Variants in SNX29 observed in about 807,000 individuals in gnomAD.
The protein encoded by SNX29 is sorting nexin 29.
In SNX29, 78 loss-of-function variants were observed where a neutral mutation model predicts 102.1. The ratio of observed to expected loss-of-function variants is 0.76; its 90% confidence interval spans 0.64 to 0.92. The LOEUF is 0.92. Among genes scored for constraint, SNX29 ranks in the 40% least tolerant of loss-of-function variants. The pLI is 0.00. For missense variants in SNX29, 1,280 were observed against 1,061.7 expected, an observed-to-expected ratio of 1.21 and a Z score of -2.86; for synonymous variants, 580 against 414.5, an observed-to-expected ratio of 1.40 and a Z score of -4.85.
intron 19 of SNX29, among the ~76,000 whole-genome samples, chr16:12,485,129 G>A (rs566458003): frequency 6.6e-6 from 1 of 152,360 alleles, no homozygotes; most frequent in African/African-American, 2.4e-5. Context: ...AGGTGACTCG[G>A]GAGGTTGTTC....
intron 3 of SNX29, among the ~76,000 whole-genome samples, chr16:12,013,500 A>AAAAAAATATAT: frequency 5.1e-4 from 16 of 31,624 alleles, no homozygotes; most frequent in Non-Finnish European, 8.0e-4. Context: ...AAAAAAAAAA[A>AAAAAAATATAT]ATATATATAT....
intron 20 of SNX29, among the ~76,000 whole-genome samples, chr16:12,548,161 C>G (rs537850110): frequency 6.6e-6 from 1 of 152,194 alleles, no homozygotes; most frequent in African/African-American, 2.4e-5. Context: ...TTCATCTTGG[C>G]CACACACATT....
At chr16:11,981,199 G>A (rs2055405708) in intron 1 of SNX29, among the ~76,000 whole-genome samples, 1 of 152,010 alleles carries the variant, frequency 6.6e-6, no homozygotes, top group African/African-American at 2.4e-5. Flanking sequence ...CGAACTCCTG[G>A]CCTCAAGTGG....
intron 15 of SNX29, among the ~76,000 whole-genome samples, chr16:12,300,413 A>T (rs2080130556): frequency 6.6e-6 from 1 of 151,990 alleles, no homozygotes; most frequent in Admixed American, 6.6e-5. Context: ...GGTTTCTCCA[A>T]GCTGTATATT....
At chr16:12,180,460 A>C (rs1160737750) in intron 13 of SNX29, among the ~76,000 whole-genome samples, 1 of 151,056 alleles carries the variant, frequency 6.6e-6, no homozygotes, top group African/African-American at 2.4e-5. Flanking sequence ...GTATGGTTTT[A>C]TTGGATACTT....
intron 20 of SNX29, among the ~76,000 whole-genome samples, chr16:12,556,922 G>T (rs563306633): frequency 8.0e-6 from 1 of 125,146 alleles, no homozygotes; most frequent in Non-Finnish European, 1.7e-5. Flanking sequence ...GCATGATCTC[G>T]GCTCACTACA....
At chr16:12,018,982 C>A (rs934269099) in intron 3 of SNX29, among the ~76,000 whole-genome samples, 5 of 151,294 alleles carry the variant, frequency 3.3e-5, no homozygotes, top group African/African-American at 7.3e-5. Flanking sequence ...TTTAATATTA[C>A]AATCTAACCT....
intron 19 of SNX29, among the ~76,000 whole-genome samples, chr16:12,509,172 A>G (rs756239489): frequency 2.0e-5 from 3 of 152,194 alleles, no homozygotes; most frequent in African/African-American, 7.2e-5. Flanking sequence ...CACTGCTGCC[A>G]TTAAAGCCTC....
At chr16:12,024,221 C>T (rs545623194) in intron 3 of SNX29, among the ~76,000 whole-genome samples, 1 of 152,036 alleles carries the variant, frequency 6.6e-6, no homozygotes, top group Non-Finnish European at 1.5e-5. Context: ...TCACGGCAAC[C>T]TCCGCCTCCC....
chr16:12,387,881 G>C lies in SNX29; in HGVS notation c.1900-10565G>C, dbSNP rs151155004. ...GATGTGGCATTCTTTCTTGTGACTG[G>C]TGGAAATTAAACTCTAAGGAAGAAC... On this transcript the variant is annotated intron_variant, in intron 16 of 20. Coordinates refer to ENST00000566228, the MANE Select transcript of SNX29 (RefSeq NM_032167.5). Among the ~76,000 whole-genome samples the C allele has an allele frequency of 3.3e-5, 5 of 152,264 alleles. No individual in the cohort carries two copies. In the East Asian group the frequency reaches 9.6e-4, roughly 29 times the overall value.
chr16:12,253,526 T>C (rs1475215634), intron 14 of SNX29, among the ~76,000 whole-genome samples: 1 of 152,086 alleles, frequency 6.6e-6, no homozygotes, highest in African/African-American at 2.4e-5. Context: ...CGGGATGAAC[T>C]TTGTTGAGAA....
chr16:12,571,773 CCTT>C lies in SNX29; in HGVS notation c.*3147_*3149del, dbSNP rs1567230396. Reference sequence around the variant, plus strand: ...CATCCACTCCTGATCTGAGACAGAACCTTCTCCGCCACTCTTCCTGCAATCAGT... The same window carrying C: ...CATCCACTCCTGATCTGAGACAGAACCTCCGCCACTCTTCCTGCAATCAGT... On this transcript the variant is annotated 3_prime_UTR_variant, in exon 21 of 21. Transcript: ENST00000566228. The C allele has an allele frequency of 5.0e-6, 5 of 1,006,690 alleles. No homozygotes were observed. Among genetic ancestry groups the C allele is most frequent in the African/African-American group, 1.7e-5 (1 of 59,596 alleles). The allele number at this position is 1,006,690 out of a possible 1,614,324, so 62.4% of individuals were successfully genotyped here.
At chr16:12,463,050 G>A (rs948606965) in intron 18 of SNX29, among the ~76,000 whole-genome samples, 3 of 152,180 alleles carry the variant, frequency 2.0e-5, no homozygotes, top group African/African-American at 4.8e-5. Flanking sequence ...TCAGGGACTC[G>A]CCCCTTGTGA....
rs112786222 is a variant in SNX29 at position 12,282,235 on chromosome 16, G to A, written c.1782+4199G>A. 4.9e-3 allele frequency among the ~76,000 whole-genome samples: 742 copies of A among 152,246 alleles called. 4 individuals are homozygous for A. The highest frequency in any genetic ancestry group is 0.017 in the African/African-American group (720 of 41,546). On this transcript the variant is annotated intron_variant, in intron 15 of 20. Transcript: ENST00000566228. The stretch of plus-strand genomic sequence containing the variant: ...CTTGACGGAAGAGACGATCACTACC[G>A]ATGTTCAAGAGAATGAATGGCAGGA...
chr16:12,531,710 G>A (rs895280211), intron 20 of SNX29, among the ~76,000 whole-genome samples: 1 of 152,192 alleles, frequency 6.6e-6, no homozygotes, highest in Non-Finnish European at 1.5e-5. Flanking sequence ...GACAAGGAGG[G>A]GAAGCCCGCT....
intron 13 of SNX29, among the ~76,000 whole-genome samples, chr16:12,149,375 A>G (rs2055201691): frequency 6.6e-6 from 1 of 152,214 alleles, no homozygotes; most frequent in East Asian, 1.9e-4. Flanking sequence ...TCTGTTTTTT[A>G]GTGGAGCACA....
In SNX29 at chr16:12,472,085, T is replaced by A. The variant is rs1014181876; in HGVS notation, c.2038-5634T>A. ...CAGGTGGATACAAACAGGGAAATAT[T>A]CATACAGTGGAATACTATTCATTAG... On this transcript the variant is annotated intron_variant, in intron 18 of 20. Coordinates refer to ENST00000566228, the MANE Select transcript of SNX29 (RefSeq NM_032167.5). 3.3e-5 allele frequency among the ~76,000 whole-genome samples: 5 copies of A among 152,214 alleles called. No individual in the cohort carries two copies. In the East Asian group the frequency reaches 9.6e-4, roughly 29 times the overall value.
intron 15 of SNX29, among the ~76,000 whole-genome samples, chr16:12,349,665 A>AGG (rs1161550660): frequency 1.3e-5 from 2 of 152,242 alleles, no homozygotes; most frequent in Non-Finnish European, 2.9e-5. Context: ...ATTTTGGATA[A>AGG]GGGATACTTG....
At position 12,116,642 on chromosome 16, in the gene SNX29, C is replaced by G. The variant is rs896949042; in HGVS notation, c.1403-9991C>G. The stretch of plus-strand genomic sequence containing the variant: ...TGAGCCAGGATCACGCCACCATACT[C>G]CAGCCTGGGCCACGGAGTGAGACTC... On this transcript the variant is annotated intron_variant, in intron 11 of 20. Transcript: ENST00000566228. Among the ~76,000 whole-genome samples, 12 of 152,188 alleles carry G rather than the reference C, an allele frequency of 7.9e-5. 1 individual carries two copies. The highest frequency in any genetic ancestry group is 2.4e-4 in the African/African-American group (10 of 41,440).
Sources: allele counts gnomAD v4.1 joint callset (sites outside exome capture counted in the v4.1 genomes callset), GRCh38; gene constraint gnomAD v4.1.1; transcripts MANE v1.5; gene names NCBI Gene and HGNC (gene_info 2026-07-23, HGNC 2026-07-21).